Variants in EFCAB5 observed in about 807,000 individuals in gnomAD.
EFCAB5 encodes EF-hand calcium-binding domain-containing protein 5.
EFCAB5 carries 131 observed loss-of-function variants against 167.9 expected under a neutral mutation model. The observed-to-expected ratio is 0.78, with a 90% CI of 0.68 to 0.90. The LOEUF (loss-of-function observed/expected upper bound fraction) is 0.90. EFCAB5 is among the 40% of genes least tolerant of loss of function. EFCAB5 has a pLI of 0.00. For missense variants in EFCAB5, 1,663 were observed against 1,745.2 expected (o/e 0.95, Z 0.84); for synonymous variants, 574 against 602.8 (o/e 0.95, Z 0.70).
chr17:30,069,092 T>A, intron 14 of EFCAB5: 2 of 1,457,806 alleles, frequency 1.4e-6, no homozygotes, highest in Non-Finnish European at 1.9e-6. Context: ...CAAAGAGCCA[T>A]CCGAGTTAAA....
At chr17:30,042,775 T>G (rs2069810144) in intron 8 of EFCAB5, among the ~76,000 whole-genome samples, 2 of 152,138 alleles carry the variant, frequency 1.3e-5, no homozygotes, top group South Asian at 4.1e-4. Context: ...AAGGAACACT[T>G]CCCAACTCAT....
chr17:30,079,835 TGGTA>T (rs1470451010), intron 15 of EFCAB5, among the ~76,000 whole-genome samples: 1 of 152,206 alleles, frequency 6.6e-6, no homozygotes, highest in Non-Finnish European at 1.5e-5. Context: ...TTTTCTTTTC[TGGTA>T]AACCAGTCCA....
At chr17:30,077,192 C>A (rs755528029) in intron 14 of EFCAB5, among the ~76,000 whole-genome samples, 24 of 152,076 alleles carry the variant, frequency 1.6e-4, no homozygotes, top group Admixed American at 6.6e-5. Context: ...ATCCCAGCTA[C>A]TTGGGAGGCT....
At chr17:29,964,495 A>C (rs2067787000) in intron 3 of EFCAB5, among the ~76,000 whole-genome samples, 1 of 152,036 alleles carries the variant, frequency 6.6e-6, no homozygotes, top group Non-Finnish European at 1.5e-5. Context: ...GGTTTTCACC[A>C]TGTTGGCCAA....
intron 7 of EFCAB5, chr17:30,031,855 C>A (rs1195072432): frequency 6.6e-6 from 1 of 151,988 alleles, no homozygotes; most frequent in Non-Finnish European, 1.5e-5. Context: ...GACCCTATCT[C>A]TACACACACA....
upstream of EFCAB5, among the ~76,000 whole-genome samples, chr17:29,936,665 T>C (rs1032600544): frequency 4.6e-5 from 7 of 152,226 alleles, no homozygotes; most frequent in African/African-American, 1.7e-4. Flanking sequence ...AATAATTTAA[T>C]AACTGGCACT....
At chr17:29,994,776 T>G (rs2068509355) in intron 5 of EFCAB5, among the ~76,000 whole-genome samples, 1 of 152,050 alleles carries the variant, frequency 6.6e-6, no homozygotes, top group Admixed American at 6.6e-5. Context: ...GTAATTGTGG[T>G]TTTTGCCATT....
chr17:30,092,699 A>T (rs918801483), intron 21 of EFCAB5, 141 bp from the exon 22 acceptor site: 10 of 530,180 alleles, frequency 1.9e-5, no homozygotes, highest in Non-Finnish European at 2.6e-5. Context: ...ATGGGTAACC[A>T]TCATCTTCAC....
In EFCAB5 at chr17:29,976,131, T is replaced by C. The variant is rs2068059096; in HGVS notation, c.767+6764T>C. Among the ~76,000 whole-genome samples the C allele has an allele frequency of 2.0e-5, 3 of 152,306 alleles. 1 individual carries two copies. In the South Asian group the frequency reaches 6.2e-4, roughly 32 times the overall value. On this transcript the variant is annotated intron_variant, in intron 4 of 22. Transcript: ENST00000394835. Reference sequence around the variant, plus strand: ...TGAACTGATTTTGTCTGTAAACAAATATATTGACAAACACTTCCTCTTGTT... The same window carrying C: ...TGAACTGATTTTGTCTGTAAACAAACATATTGACAAACACTTCCTCTTGTT...
At chr17:30,093,531 C>T (rs890112799) in intron 22 of EFCAB5, among the ~76,000 whole-genome samples, 6 of 152,178 alleles carry the variant, frequency 3.9e-5, no homozygotes, top group Non-Finnish European at 7.4e-5. Flanking sequence ...AAATTGCTCA[C>T]TAAATCTATC....
At chr17:29,939,646 G>A (rs1746224615), upstream of EFCAB5, among the ~76,000 whole-genome samples, 3 of 152,202 alleles carry the variant, frequency 2.0e-5, no homozygotes, top group Admixed American at 1.3e-4. Flanking sequence ...GCACTTTTAA[G>A]TTATGGAGAT....
chr17:29,978,985 CT>C (rs1341727333), intron 4 of EFCAB5, among the ~76,000 whole-genome samples: 2 of 152,174 alleles, frequency 1.3e-5, no homozygotes, highest in Non-Finnish European at 2.9e-5. Context: ...TATGCTTACT[CT>C]GTTGGCCTCT....
intron 14 of EFCAB5, chr17:30,073,578 C>A (rs990686735): frequency 1.6e-6 from 1 of 639,396 alleles, no homozygotes; most frequent in South Asian, 1.8e-5. Flanking sequence ...TCCCTAAATA[C>A]CTCAGCATGC....
Position 29,958,105 on chromosome 17 carries a change from C to G in EFCAB5, c.191-10686C>G, listed in dbSNP as rs547813803. Among the ~76,000 whole-genome samples the G allele has an allele frequency of 3.3e-5, 5 of 152,210 alleles. No homozygotes were observed. The South Asian group carries it at 1.0e-3, about 32-fold the overall frequency. Reference sequence around the variant, plus strand: ...GGATTTTGCTTCAATGTTCATAAGACTAAAGAAATATCTGACTACAGAAAT... The same window carrying G: ...GGATTTTGCTTCAATGTTCATAAGAGTAAAGAAATATCTGACTACAGAAAT... On this transcript the variant is annotated intron_variant, in intron 3 of 22. Transcript: ENST00000394835.
chr17:29,991,402 C>A (rs888620207), intron 4 of EFCAB5, among the ~76,000 whole-genome samples: 1 of 152,206 alleles, frequency 6.6e-6, no homozygotes, highest in African/African-American at 2.4e-5. Context: ...GTTTTACCCA[C>A]ATATTTATTG....
At chr17:29,972,811 C>A in intron 4 of EFCAB5, 1 of 219,098 alleles carries the variant, frequency 4.6e-6, no homozygotes. Flanking sequence ...ATGTGAGCTC[C>A]AGGCCTGTTG....
chr17:30,050,994 T>C, intron 8 of EFCAB5, 124 bp from the exon 9 acceptor site: 1 of 728,062 alleles, frequency 1.4e-6, no homozygotes, highest in Non-Finnish European at 2.3e-6. Flanking sequence ...CTGCAGCTTT[T>C]ATTTACATGA....
At chr17:29,950,775 C>G (rs1308788426) in intron 3 of EFCAB5, 1 of 152,134 alleles carries the variant, frequency 6.6e-6, no homozygotes, top group Non-Finnish European at 1.5e-5. Context: ...TAATCAACTG[C>G]TTATGTTTTC....
chr17:29,971,086 A>T (rs569079683), intron 4 of EFCAB5, among the ~76,000 whole-genome samples: 22 of 151,604 alleles, frequency 1.5e-4, no homozygotes, highest in African/African-American at 5.1e-4. Flanking sequence ...AAAAAAAAAA[A>T]GATTTTAATG....
Sources: allele counts gnomAD v4.1 joint callset (sites outside exome capture counted in the v4.1 genomes callset), GRCh38; gene constraint gnomAD v4.1.1; transcripts MANE v1.5; gene names NCBI Gene and HGNC (gene_info 2026-07-23, HGNC 2026-07-21).